The following SNTG2 variants were observed in gnomAD, a reference collection of about 807,000 sequenced individuals.
SNTG2 encodes syntrophin gamma 2.
SNTG2 carries 74 observed loss-of-function variants against 70.9 expected under a neutral mutation model. The observed-to-expected ratio is 1.04, with a 90% CI of 0.86 to 1.27. SNTG2 has a LOEUF of 1.27. Among genes scored for constraint, SNTG2 ranks in the 50% most tolerant of loss-of-function variants. SNTG2 has a pLI of 0.00. For missense variants in SNTG2, 717 were observed against 690.7 expected (o/e 1.04, Z -0.43); for synonymous variants, 278 against 273.8 (o/e 1.02, Z -0.15).
chr2:1,010,652 A>G (rs1392729270), intron 1 of SNTG2, among the ~76,000 whole-genome samples: 1 of 152,172 alleles, frequency 6.6e-6, no homozygotes, highest in South Asian at 2.1e-4. Context: ...TTTTTTTCAG[A>G]TGGTGCTTGG....
chr2:1,257,203 A>G (rs369020085), intron 12 of SNTG2, among the ~76,000 whole-genome samples: 18 of 152,230 alleles, frequency 1.2e-4, no homozygotes, highest in African/African-American at 4.3e-4. Context: ...CTTCAAGTCC[A>G]CAATAGAAAT....
chr2:991,195 T>C (rs1332480705), intron 1 of SNTG2, among the ~76,000 whole-genome samples: 1 of 152,184 alleles, frequency 6.6e-6, no homozygotes, highest in Non-Finnish European at 1.5e-5. Context: ...GTTCCATAAC[T>C]GCAGGGATTA....
At chr2:1,133,908 G>A (rs990045297) in intron 4 of SNTG2, among the ~76,000 whole-genome samples, 1 of 149,028 alleles carries the variant, frequency 6.7e-6, no homozygotes, top group African/African-American at 2.4e-5. Flanking sequence ...ATGAAGCCGC[G>A]GACCCTCGCG....
At chr2:1,135,134 G>A (rs1216246787) in intron 4 of SNTG2, among the ~76,000 whole-genome samples, 1 of 152,170 alleles carries the variant, frequency 6.6e-6, no homozygotes. Context: ...ACCAACTCTA[G>A]AGCAAAATAG....
intron 1 of SNTG2, among the ~76,000 whole-genome samples, chr2:1,031,528 A>ATATATATATATTTTTTTTTTTTTTT: frequency 1.7e-4 from 10 of 59,114 alleles, no homozygotes; most frequent in East Asian, 5.8e-4. Context: ...ATATATATAT[A>ATATATATATATTTTTTTTTTTTTTT]TTTTTTTTTT....
intron 4 of SNTG2, among the ~76,000 whole-genome samples, chr2:1,110,525 T>G (rs1328692143): frequency 6.6e-6 from 1 of 152,206 alleles, no homozygotes; most frequent in African/African-American, 2.4e-5. Context: ...GATGTCTTTA[T>G]ATTAATGTAA....
At chr2:1,049,031 A>T (rs1175126250) in intron 1 of SNTG2, among the ~76,000 whole-genome samples, 1 of 152,186 alleles carries the variant, frequency 6.6e-6, no homozygotes, top group Non-Finnish European at 1.5e-5. Flanking sequence ...GGTTTACAGC[A>T]AAATGGGACA....
intron 1 of SNTG2, among the ~76,000 whole-genome samples, chr2:998,056 C>T (rs1412051277): frequency 6.6e-6 from 1 of 152,150 alleles, no homozygotes; most frequent in African/African-American, 2.4e-5. Context: ...CTATCTATAG[C>T]CAAGGAGTTC....
chr2:1,206,167 T>G (rs1304442425), intron 8 of SNTG2, among the ~76,000 whole-genome samples: 2 of 152,222 alleles, frequency 1.3e-5, no homozygotes, highest in Non-Finnish European at 2.9e-5. Context: ...ATGTAAGATT[T>G]GGGACCACGA....
chr2:1,134,452 G>C (rs367857173), intron 4 of SNTG2, among the ~76,000 whole-genome samples: 2 of 134,706 alleles, frequency 1.5e-5, no homozygotes, highest in African/African-American at 5.0e-5. Context: ...ACAGAGTGTC[G>C]ACACAAAGGT....
chr2:1,185,226 G>T (rs1210920427), intron 8 of SNTG2, among the ~76,000 whole-genome samples: 2 of 152,230 alleles, frequency 1.3e-5, no homozygotes, highest in Non-Finnish European at 1.5e-5. Context: ...CAGCCCCACT[G>T]CTGTGGCTCT....
intron 6 of SNTG2, among the ~76,000 whole-genome samples, chr2:1,153,617 AC>A (rs1669665039): frequency 6.6e-6 from 1 of 152,230 alleles, no homozygotes; most frequent in African/African-American, 2.4e-5. Flanking sequence ...GCATAGAGTG[AC>A]TTAAATTCTG....
chr2:1,296,180 G>C (rs762370149), intron 14 of SNTG2, among the ~76,000 whole-genome samples: 1 of 152,136 alleles, frequency 6.6e-6, no homozygotes, highest in Non-Finnish European at 1.5e-5. Flanking sequence ...CCTCTGCCTC[G>C]CACCATGGCC....
intron 8 of SNTG2, among the ~76,000 whole-genome samples, chr2:1,184,879 A>G (rs1181980779): frequency 6.6e-6 from 1 of 152,186 alleles, no homozygotes; most frequent in Non-Finnish European, 1.5e-5. Flanking sequence ...ATTCCTCCTC[A>G]ACAGTCCCCC....
intron 1 of SNTG2, among the ~76,000 whole-genome samples, chr2:1,027,828 A>G (rs1257736609): frequency 6.7e-6 from 1 of 150,218 alleles, no homozygotes; most frequent in East Asian, 2.0e-4. Flanking sequence ...AAGCAGGTGC[A>G]TCACTGAAGG....
intron 1 of SNTG2, among the ~76,000 whole-genome samples, chr2:1,016,464 C>T (rs1264730185): frequency 6.6e-6 from 1 of 152,328 alleles, no homozygotes; most frequent in East Asian, 1.9e-4. Context: ...TGGCCTCAAA[C>T]TCCTGATCTC....
chr2:985,529 C>A (rs1202750653), intron 1 of SNTG2, among the ~76,000 whole-genome samples: 1 of 152,102 alleles, frequency 6.6e-6, no homozygotes, highest in African/African-American at 2.4e-5. Context: ...GGCAGAGACA[C>A]CCTGGGAGGA....
At chr2:1,026,846 C>T (rs1212780444) in intron 1 of SNTG2, among the ~76,000 whole-genome samples, 2 of 152,168 alleles carry the variant, frequency 1.3e-5, no homozygotes, top group Non-Finnish European at 1.5e-5. Context: ...TTTGCCTCCT[C>T]CTTTTGCCTG....
At chr2:1,092,032 G>T (rs1433187712) in intron 2 of SNTG2, among the ~76,000 whole-genome samples, 2 of 152,124 alleles carry the variant, frequency 1.3e-5, no homozygotes, top group African/African-American at 4.8e-5. Flanking sequence ...TAAAGCAAAG[G>T]GAATGTCCAA....
Sources: gnomAD v4.1 joint callset for allele counts (sites outside exome capture counted in the v4.1 genomes callset) on GRCh38, gnomAD v4.1.1 for gene constraint, MANE v1.5 for transcripts, NCBI Gene and HGNC (gene_info 2026-07-23, HGNC 2026-07-21) for gene names.